Variants in PPARG observed in about 807,000 individuals in gnomAD.
The protein encoded by PPARG is peroxisome proliferator-activated receptor gamma.
In PPARG, 17 loss-of-function variants were observed where a neutral mutation model predicts 39.2. The ratio of observed to expected loss-of-function variants is 0.43; its 90% CI spans 0.30 to 0.65. The LOEUF is 0.65. PPARG is among the 30% of genes least tolerant of loss of function. The pLI is 0.13. For missense variants in PPARG, 406 were observed against 585.9 expected, an observed-to-expected ratio of 0.69 and a Z score of 3.17; for synonymous variants, 223 against 215.7, an observed-to-expected ratio of 1.03 and a Z score of -0.30.
intron 1 of PPARG, among the ~76,000 whole-genome samples, chr3:12,309,383 T>G (rs181879871): frequency 6.6e-6 from 1 of 152,314 alleles, no homozygotes; most frequent in African/African-American, 2.4e-5. Flanking sequence ...CCTCTTTGCC[T>G]TTCTGAGATA....
intron 6 of PPARG, among the ~76,000 whole-genome samples, chr3:12,414,341 G>A (rs1343587317): frequency 6.6e-6 from 1 of 152,126 alleles, no homozygotes; most frequent in Non-Finnish European, 1.5e-5. Context: ...GGCTAGTTGT[G>A]GTGGCTCACA....
At chr3:12,350,927 C>T (rs1216041623) in intron 2 of PPARG, among the ~76,000 whole-genome samples, 1 of 152,144 alleles carries the variant, frequency 6.6e-6, no homozygotes, top group East Asian at 1.9e-4. Flanking sequence ...TTTAATTTTA[C>T]AGAATTTAGA....
At chr3:12,315,832 T>A (rs1257804497) in intron 2 of PPARG, among the ~76,000 whole-genome samples, 1 of 152,136 alleles carries the variant, frequency 6.6e-6, no homozygotes, top group South Asian at 2.1e-4. Flanking sequence ...TTTTTGTTGG[T>A]GACAGTGAGG....
chr3:12,380,511 A>G (rs183558318), intron 3 of PPARG, among the ~76,000 whole-genome samples: 20 of 152,302 alleles, frequency 1.3e-4, no homozygotes, highest in Non-Finnish European at 2.6e-4. Flanking sequence ...TTTTTGAGAT[A>G]AAATGTATTT....
chr3:12,349,609 C>G (rs2048422750), intron 2 of PPARG, among the ~76,000 whole-genome samples: 1 of 152,172 alleles, frequency 6.6e-6, no homozygotes, highest in African/African-American at 2.4e-5. Context: ...TCATCATTGT[C>G]TACCTAGCAC....
intron 4 of PPARG, among the ~76,000 whole-genome samples, chr3:12,390,410 A>G (rs2050027879): frequency 6.6e-6 from 1 of 152,140 alleles, no homozygotes; most frequent in Non-Finnish European, 1.5e-5. Flanking sequence ...ATAGGTTAAT[A>G]AATTATAGTA....
chr3:12,336,564 AAT>A (rs1318793299), intron 2 of PPARG, among the ~76,000 whole-genome samples: 2 of 152,242 alleles, frequency 1.3e-5, no homozygotes, highest in Non-Finnish European at 2.9e-5. Flanking sequence ...TTACCTTAAT[AAT>A]CTACTCTGAA....
At chr3:12,373,134 G>C (rs907702931) in intron 2 of PPARG, among the ~76,000 whole-genome samples, 2 of 152,158 alleles carry the variant, frequency 1.3e-5, no homozygotes, top group African/African-American at 4.8e-5. Flanking sequence ...AGAAACAGTA[G>C]CTTATGTTTT....
chr3:12,383,442 G>GT (rs1425239170), intron 4 of PPARG, among the ~76,000 whole-genome samples: 1 of 152,048 alleles, frequency 6.6e-6, no homozygotes, highest in Non-Finnish European at 1.5e-5. Context: ...GTTTTATTGA[G>GT]TTTTATTTTA....
At chr3:12,355,248 A>G (rs1306449461) in intron 2 of PPARG, among the ~76,000 whole-genome samples, 4 of 151,752 alleles carry the variant, frequency 2.6e-5, no homozygotes, top group African/African-American at 9.7e-5. Context: ...TGATCCTCCC[A>G]CCTCAGCCTC....
chr3:12,402,789 C>G (rs923633996), intron 5 of PPARG, among the ~76,000 whole-genome samples: 2 of 152,154 alleles, frequency 1.3e-5, no homozygotes, highest in Admixed American at 1.3e-4. Flanking sequence ...TTAGGAACTA[C>G]TGGTGAACAA....
intron 4 of PPARG, among the ~76,000 whole-genome samples, chr3:12,389,693 C>G (rs747241123): frequency 6.6e-6 from 1 of 152,028 alleles, no homozygotes; most frequent in East Asian, 1.9e-4. Flanking sequence ...GAGTTCAAGA[C>G]CAGCCTGGCC....
chr3:12,338,830 C>T (rs1436603097), intron 2 of PPARG, among the ~76,000 whole-genome samples: 2 of 152,082 alleles, frequency 1.3e-5, no homozygotes, highest in African/African-American at 4.8e-5. Flanking sequence ...CTTTCACTAA[C>T]CTTAGACAAC....
At chr3:12,339,416 T>G (rs1161403708) in intron 2 of PPARG, among the ~76,000 whole-genome samples, 1 of 152,218 alleles carries the variant, frequency 6.6e-6, no homozygotes, top group Non-Finnish European at 1.5e-5. Context: ...GTAAATTTAC[T>G]AAAATTCGTT....
intron 4 of PPARG, among the ~76,000 whole-genome samples, chr3:12,383,782 T>C (rs992822713): frequency 3.3e-5 from 5 of 152,038 alleles, no homozygotes; most frequent in African/African-American, 1.2e-4. Context: ...AGTAGTTGGT[T>C]ATAGTGATAA....
chr3:12,408,688 CA>C (rs2050768130), intron 6 of PPARG, among the ~76,000 whole-genome samples: 1 of 151,506 alleles, frequency 6.6e-6, no homozygotes, highest in Admixed American at 6.6e-5. Flanking sequence ...CTCAGCCTCC[CA>C]AAGAGCTGGT....
intron 4 of PPARG, among the ~76,000 whole-genome samples, chr3:12,384,422 T>C (rs2049798673): frequency 1.3e-5 from 2 of 152,124 alleles, no homozygotes. Context: ...CCTAAATGGA[T>C]GATGGGTCGA....
intron 2 of PPARG, among the ~76,000 whole-genome samples, chr3:12,364,131 G>T (rs1456794679): frequency 1.3e-5 from 2 of 152,080 alleles, no homozygotes; most frequent in African/African-American, 4.8e-5. Context: ...TTGTACAAAT[G>T]TATAAGGACA....
chr3:12,398,027 T>C (rs1234579060), intron 5 of PPARG, among the ~76,000 whole-genome samples: 1 of 152,208 alleles, frequency 6.6e-6, no homozygotes, highest in Non-Finnish European at 1.5e-5. Flanking sequence ...CTTCCTGACA[T>C]TCAAGGCTGC....
Sources: gnomAD v4.1 joint callset for allele counts (sites outside exome capture counted in the v4.1 genomes callset) on GRCh38, gnomAD v4.1.1 for gene constraint, MANE v1.5 for transcripts, NCBI Gene and HGNC (gene_info 2026-07-23, HGNC 2026-07-21) for gene names.